The following ANO4 variants were observed in gnomAD, a reference collection of about 807,000 sequenced individuals.
ANO4 encodes anoctamin 4.
Under a neutral mutation model 141.9 loss-of-function variants are expected in ANO4, and 69 were observed. The ratio of observed to expected loss-of-function variants is 0.49; its 90% CI spans 0.40 to 0.59. ANO4 has a LOEUF of 0.59. Ranked by LOEUF, ANO4 falls within the 20% of genes least tolerant of loss-of-function variation. The pLI, the probability that ANO4 is intolerant of heterozygous loss-of-function variation, is 0.00. For synonymous variants in ANO4, 350 were observed against 394.3 expected (o/e 0.89, Z 1.33); for missense variants, 894 against 1,162.2 (o/e 0.77, Z 3.36).
intron 14 of ANO4, among the ~76,000 whole-genome samples, chr12:101,065,626 C>G (rs2048549687): frequency 6.6e-6 from 1 of 152,138 alleles, no homozygotes. Context: ...TGAAAAGTCT[C>G]TCAGTAAAGA....
At chr12:101,077,485 C>T (rs1314554954) in intron 14 of ANO4, among the ~76,000 whole-genome samples, 1 of 152,150 alleles carries the variant, frequency 6.6e-6, no homozygotes. Flanking sequence ...CAGTAGAAAA[C>T]AGCTGCTCAG....
intron 3 of ANO4, among the ~76,000 whole-genome samples, chr12:100,779,133 C>A (rs1460951733): frequency 6.6e-6 from 1 of 152,098 alleles, no homozygotes; most frequent in Non-Finnish European, 1.5e-5. Flanking sequence ...GGGCCACCAA[C>A]CCCCAGAGAG....
intron 2 of ANO4, among the ~76,000 whole-genome samples, chr12:100,919,618 T>C (rs2041513096): frequency 6.6e-6 from 1 of 151,924 alleles, no homozygotes; most frequent in South Asian, 2.1e-4. Flanking sequence ...AATGCATTTC[T>C]CAGAAAGTAT....
intron 3 of ANO4, among the ~76,000 whole-genome samples, chr12:100,933,558 C>A (rs1011293563): frequency 1.3e-5 from 2 of 152,124 alleles, no homozygotes; most frequent in African/African-American, 4.8e-5. Flanking sequence ...TTTGCTATTG[C>A]AAATAGTGCC....
At chr12:100,983,122 T>C (rs2136317079) in intron 7 of ANO4, among the ~76,000 whole-genome samples, 1 of 152,278 alleles carries the variant, frequency 6.6e-6, no homozygotes, top group Admixed American at 6.5e-5. Flanking sequence ...GGAATGTGTT[T>C]GTGGAAGAGC....
intron 1 of ANO4, among the ~76,000 whole-genome samples, chr12:100,833,701 C>G (rs2036752030): frequency 6.6e-6 from 1 of 152,022 alleles, no homozygotes; most frequent in African/African-American, 2.4e-5. Context: ...AGGAAGGTGT[C>G]TAGCAGAGTG....
chr12:100,966,835 A>T (rs2043679959), intron 5 of ANO4, among the ~76,000 whole-genome samples: 1 of 121,266 alleles, frequency 8.2e-6, no homozygotes, highest in African/African-American at 3.7e-5. Flanking sequence ...ATACACATAT[A>T]TATACACACA....
intron 1 of ANO4, among the ~76,000 whole-genome samples, chr12:100,724,986 C>G (rs550105417): frequency 1.8e-4 from 27 of 152,252 alleles, no homozygotes; most frequent in African/African-American, 6.3e-4. Flanking sequence ...AAATCAGATG[C>G]AGTAAGTAGT....
At chr12:101,027,867 A>G (rs968736352) in intron 9 of ANO4, among the ~76,000 whole-genome samples, 2 of 152,062 alleles carry the variant, frequency 1.3e-5, no homozygotes, top group African/African-American at 4.8e-5. Context: ...TCACCCAAAT[A>G]GGTAAGACCT....
At chr12:101,040,944 T>C (rs1486931490) in intron 11 of ANO4, among the ~76,000 whole-genome samples, 1 of 152,194 alleles carries the variant, frequency 6.6e-6, no homozygotes, top group Non-Finnish European at 1.5e-5. Context: ...CATCCTTTTT[T>C]TGGCTGCATA....
intron 1 of ANO4, among the ~76,000 whole-genome samples, chr12:100,820,895 T>A (rs1468101017): frequency 6.6e-6 from 1 of 152,060 alleles, no homozygotes; most frequent in East Asian, 1.9e-4. Flanking sequence ...TCATTAACGA[T>A]GCAAAGTCCG....
intron 1 of ANO4, among the ~76,000 whole-genome samples, chr12:100,892,316 A>C (rs1432590775): frequency 6.6e-6 from 1 of 152,274 alleles, no homozygotes; most frequent in Non-Finnish European, 1.5e-5. Flanking sequence ...TATGAATTAA[A>C]AAAAATCTCA....
intron 1 of ANO4, among the ~76,000 whole-genome samples, chr12:100,722,256 G>C (rs1200043375): frequency 6.6e-6 from 1 of 151,982 alleles, no homozygotes; most frequent in Non-Finnish European, 1.5e-5. Flanking sequence ...CACCATCATT[G>C]CCCACTTTGG....
chr12:100,780,794 T>G (rs1048475452), intron 3 of ANO4, among the ~76,000 whole-genome samples: 5 of 152,214 alleles, frequency 3.3e-5, no homozygotes, highest in African/African-American at 4.8e-5. Context: ...TCCTCTCACC[T>G]TGGCCTCCCA....
chr12:100,774,214 C>T (rs2033404241), intron 3 of ANO4, among the ~76,000 whole-genome samples: 1 of 152,066 alleles, frequency 6.6e-6, no homozygotes, highest in South Asian at 2.1e-4. Context: ...TAGTGAATCT[C>T]TGGTTGAGAA....
chr12:100,884,399 C>T (rs755461223), intron 1 of ANO4, among the ~76,000 whole-genome samples: 3 of 152,210 alleles, frequency 2.0e-5, no homozygotes, highest in Non-Finnish European at 4.4e-5. Flanking sequence ...TGACCACTGC[C>T]TTGGAGGCTG....
intron 3 of ANO4, among the ~76,000 whole-genome samples, chr12:100,928,847 A>G (rs1434519603): frequency 1.3e-5 from 2 of 152,180 alleles, no homozygotes; most frequent in Admixed American, 1.3e-4. Context: ...ACGCTAAATC[A>G]GAAACAAGTT....
chr12:100,863,449 C>G (rs2038588567), intron 1 of ANO4, among the ~76,000 whole-genome samples: 1 of 152,140 alleles, frequency 6.6e-6, no homozygotes, highest in South Asian at 2.1e-4. Context: ...CCTAACTCCC[C>G]TAGGCTGAGT....
At chr12:100,869,142 A>G (rs1953867153) in intron 1 of ANO4, among the ~76,000 whole-genome samples, 1 of 152,216 alleles carries the variant, frequency 6.6e-6, no homozygotes, top group Admixed American at 6.5e-5. Flanking sequence ...CGGGGTGAGT[A>G]TATCCCATGA....
Sources: allele counts gnomAD v4.1 joint callset (sites outside exome capture counted in the v4.1 genomes callset), GRCh38; gene constraint gnomAD v4.1.1; transcripts MANE v1.5; gene names NCBI Gene and HGNC (gene_info 2026-07-23, HGNC 2026-07-21).